Variants in ARFGEF1 observed in about 807,000 individuals in gnomAD.
The protein encoded by ARFGEF1 is ARF guanine nucleotide exchange factor 1.
ARFGEF1 carries 42 observed loss-of-function variants against 231.0 expected under a neutral mutation model. The observed-to-expected ratio is 0.18, with a 90% confidence interval of 0.14 to 0.24. ARFGEF1 has a LOEUF of 0.24. Among genes scored for constraint, ARFGEF1 ranks in the 10% least tolerant of loss-of-function variants. The probability of loss-of-function intolerance (pLI) is 1.00; values close to 1 mark genes in which losing one functional copy is unlikely to be tolerated. For synonymous variants in ARFGEF1, 710 were observed against 732.3 expected (o/e 0.97, Z 0.49); for missense variants, 1,345 against 2,192.0 (o/e 0.61, Z 7.72).
intron 1 of ARFGEF1, among the ~76,000 whole-genome samples, chr8:67,330,564 CAG>C (rs1247508745): frequency 6.6e-6 from 1 of 152,114 alleles, no homozygotes; most frequent in Non-Finnish European, 1.5e-5. Context: ...ACTATAGACA[CAG>C]AGCTGTTATT....
At chr8:67,219,356 A>T in intron 30 of ARFGEF1, 75 bp downstream of exon 30, 2 of 1,487,530 alleles carry the variant, frequency 1.3e-6, no homozygotes. Flanking sequence ...AATTTGAAAC[A>T]CTAAAATGTA....
chr8:67,271,043 AG>A (rs56833270), intron 10 of ARFGEF1, among the ~76,000 whole-genome samples: 8,269 of 113,056 alleles, frequency 0.073, 1,255 homozygotes, highest in African/African-American at 0.21. Context: ...AAAAAAAAAA[AG>A]GAAAAAGAAA....
chr8:67,327,100 T>C (rs1807868532), intron 1 of ARFGEF1, among the ~76,000 whole-genome samples: 1 of 152,202 alleles, frequency 6.6e-6, no homozygotes, highest in Non-Finnish European at 1.5e-5. Flanking sequence ...TAAATAAATA[T>C]GACTATTATT....
chr8:67,211,624 T>TAA lies in ARFGEF1; in HGVS notation c.4687-11_4687-10dup. ...TTCTGTGATATTGTATCCTAATAAA[T>TAA]AAAAAAAAAATCACTGTAAGTATGG... On this transcript the variant is annotated splice_polypyrimidine_tract_variant and intron_variant, in intron 33 of 38. Transcript: ENST00000262215. 15 of 1,338,894 alleles carry TAA rather than the reference T, an allele frequency of 1.1e-5. No homozygotes were observed. Among genetic ancestry groups the TAA allele is most frequent in the South Asian group, 8.2e-5 (5 of 60,772 alleles). The allele number at this position is 1,338,894 out of a possible 1,614,324, so 82.9% of individuals were successfully genotyped here.
At chr8:67,208,653 C>CA (rs1190597509) in intron 34 of ARFGEF1, among the ~76,000 whole-genome samples, 19 of 131,390 alleles carry the variant, frequency 1.4e-4, no homozygotes, top group Non-Finnish European at 1.9e-4. Context: ...AAAAAACCAA[C>CA]AAAAAAAACA....
chr8:67,179,889 G>C, intron 5 of ARFGEF1: 1 of 1,591,580 alleles, frequency 6.3e-7, no homozygotes, highest in Non-Finnish European at 8.6e-7. Context: ...GTGATTTCTT[G>C]AAAAACTCAT....
At chr8:67,318,790 T>C (rs138592808) in intron 1 of ARFGEF1, among the ~76,000 whole-genome samples, 65 of 152,226 alleles carry the variant, frequency 4.3e-4, no homozygotes, top group African/African-American at 1.5e-3. Flanking sequence ...GCTTGAGCAA[T>C]ACAGTGAGAC....
intron 33 of ARFGEF1, among the ~76,000 whole-genome samples, chr8:67,213,949 G>C (rs977296278): frequency 3.9e-5 from 6 of 152,288 alleles, no homozygotes; most frequent in African/African-American, 1.4e-4. Context: ...TAAAGATTTT[G>C]ATACCATGAA....
chr8:67,309,730 A>C (rs912684575), intron 1 of ARFGEF1, among the ~76,000 whole-genome samples: 1 of 152,252 alleles, frequency 6.6e-6, no homozygotes, highest in African/African-American at 2.4e-5. Flanking sequence ...TCTCAGATTC[A>C]GGGGTGTTAA....
At chr8:67,323,558 C>T (rs182038166) in intron 1 of ARFGEF1, among the ~76,000 whole-genome samples, 43 of 152,238 alleles carry the variant, frequency 2.8e-4, no homozygotes, top group African/African-American at 3.4e-4. Flanking sequence ...TTTTCTCATA[C>T]TGCCATTTTT....
intron 7 of ARFGEF1, 120 bp downstream of exon 7, chr8:67,287,835 T>C (rs1423961965): frequency 1.7e-6 from 1 of 582,402 alleles, no homozygotes; most frequent in African/African-American, 1.9e-5. Context: ...ATTTGTAACT[T>C]TCCATTGGTT....
intron 1 of ARFGEF1, 63 bp downstream of exon 1, chr8:67,343,100 CA>C: frequency 5.3e-6 from 3 of 564,020 alleles, no homozygotes; most frequent in East Asian, 4.6e-5. Flanking sequence ...CCCACCCCCC[CA>C]CAGGCGCCCC....
chr8:67,180,345 A>G (rs946827468), intron 5 of ARFGEF1, among the ~76,000 whole-genome samples: 31 of 152,352 alleles, frequency 2.0e-4, no homozygotes, highest in African/African-American at 6.7e-4. Flanking sequence ...AATAAGTTAC[A>G]TACTACTGTA....
Position 67,200,473 on chromosome 8 carries a change from A to G in ARFGEF1, c.5308T>C (p.Ser1770Pro). ...EALSYFLTLT[S>P]ESHREAWTNL... ...GTCCAGGCTTCTCGATGACTTTCTGATGTTAGAGTGAGGAAGTAACTTAGT... is the reference window on the plus strand; with the variant it reads ...GTCCAGGCTTCTCGATGACTTTCTGGTGTTAGAGTGAGGAAGTAACTTAGT... Residue 1770 changes from serine (S) to proline (P), a missense_variant, in exon 38 of 39, where the codon TCA becomes CCA. This residue lies in a region of ARFGEF1 where 161 missense variants were observed against 284.9 expected (regional missense o/e 0.57). Transcript: ENST00000262215. The G allele has an allele frequency of 6.2e-7, 1 of 1,606,690 alleles. No individual in the cohort carries two copies. Among genetic ancestry groups the G allele is most frequent in the Non-Finnish European group, 8.5e-7 (1 of 1,173,184 alleles).
At chr8:67,193,226 T>G (rs1369066258), downstream of ARFGEF1, among the ~76,000 whole-genome samples, 1 of 152,084 alleles carries the variant, frequency 6.6e-6, no homozygotes, top group Non-Finnish European at 1.5e-5. Context: ...GCCACCCAAG[T>G]AGCCGGGGAC....
intron 29 of ARFGEF1, among the ~76,000 whole-genome samples, chr8:67,220,644 A>AGTG (rs1839116060): frequency 6.6e-6 from 1 of 152,224 alleles, no homozygotes; most frequent in Admixed American, 6.5e-5. Flanking sequence ...AGTCTTCCAC[A>AGTG]GGAGACGCCT....
chr8:67,244,465 T>C lies in ARFGEF1; in HGVS notation c.2851-4175A>G, dbSNP rs954285429. 1.1e-4 allele frequency among the ~76,000 whole-genome samples: 16 copies of C among 148,670 alleles called. 1 individual carries two copies. The highest frequency in any genetic ancestry group is 8.1e-4 in the Admixed American group (12 of 14,802). The stretch of plus-strand genomic sequence containing the variant: ...CTGGAACCACAGGCACAAGCCACTA[T>C]ACCTGGCTAATTTTTGTAGAGATGG... On this transcript the variant is annotated intron_variant, in intron 19 of 38. Transcript: ENST00000262215.
intron 1 of ARFGEF1, among the ~76,000 whole-genome samples, chr8:67,334,487 T>A (rs570171046): frequency 6.6e-6 from 1 of 152,158 alleles, no homozygotes; most frequent in African/African-American, 2.4e-5. Flanking sequence ...ACACTGCTGG[T>A]GGGTATGTAG....
Position 67,225,002 on chromosome 8 carries a change from T to A in ARFGEF1, c.4109A>T (p.Asn1370Ile). Residue 1370 changes from asparagine (N) to isoleucine (I), a missense_variant, in exon 29 of 39, where the codon AAC becomes ATC. Around this residue, in one of 14 missense-constraint regions of ARFGEF1, gnomAD observed 142 missense variants for 227.3 expected, o/e 0.62. Coordinates refer to ENST00000262215, the MANE Select transcript of ARFGEF1 (RefSeq NM_006421.5). ...CCACACCCTGTCTTCAGGTGCTACG[T>A]TCATATCATCGCTTGTGTATTCCTT... Reference protein sequence around the residue: ...AFKEYTSDDMNVAPEDRVWVR... With the variant: ...AFKEYTSDDMIVAPEDRVWVR... The A allele has an allele frequency of 6.2e-7, 1 of 1,603,586 alleles. No homozygotes were observed. The highest frequency in any genetic ancestry group is 8.5e-7 in the Non-Finnish European group (1 of 1,175,334).
Sources: gnomAD v4.1 joint callset for allele counts (sites outside exome capture counted in the v4.1 genomes callset) on GRCh38, gnomAD v4.1.1 for gene constraint, gnomAD v4.1.1 regional missense constraint, MANE v1.5 for transcripts, NCBI Gene and HGNC (gene_info 2026-07-23, HGNC 2026-07-21) for gene names.